The following ST6GALNAC3 variants were observed in gnomAD, a reference collection of about 807,000 sequenced individuals.
ST6GALNAC3 encodes ST6 N-acetylgalactosaminide alpha-2,6-sialyltransferase 3, also known as alpha-N-acetylgalactosaminide alpha-2,6-sialyltransferase 3.
ST6GALNAC3 carries 25 observed loss-of-function variants against 32.7 expected under a neutral mutation model. The observed-to-expected ratio is 0.76, with a 90% CI of 0.56 to 1.07. ST6GALNAC3 has a LOEUF of 1.07. Among genes scored for constraint, ST6GALNAC3 ranks in the 50% least tolerant of loss-of-function variants. The probability of loss-of-function intolerance (pLI) is 0.00; values close to 1 mark genes in which losing one functional copy is unlikely to be tolerated. For missense variants in ST6GALNAC3, 355 were observed against 382.4 expected (o/e 0.93, Z 0.60); for synonymous variants, 129 against 133.1 (o/e 0.97, Z 0.21).
At chr1:76,408,626 T>C (rs1654000727) in intron 2 of ST6GALNAC3, among the ~76,000 whole-genome samples, 4 of 152,110 alleles carry the variant, frequency 2.6e-5, no homozygotes, top group African/African-American at 9.7e-5. Flanking sequence ...AATTGTCAAG[T>C]GAGACCAGTG....
intron 1 of ST6GALNAC3, among the ~76,000 whole-genome samples, chr1:76,208,226 G>C (rs760833466): frequency 1.3e-5 from 2 of 152,240 alleles, no homozygotes; most frequent in Non-Finnish European, 2.9e-5. Flanking sequence ...CTAGACCCCA[G>C]GGATATACAG....
intron 3 of ST6GALNAC3, chr1:76,577,327 C>T: frequency 9.1e-6 from 9 of 986,948 alleles, no homozygotes; most frequent in Non-Finnish European, 1.1e-5. Flanking sequence ...GCCACTGCCT[C>T]TTTCTGCTTG....
intron 2 of ST6GALNAC3, among the ~76,000 whole-genome samples, chr1:76,401,600 A>T (rs1235226398): frequency 6.6e-6 from 1 of 152,128 alleles, no homozygotes; most frequent in East Asian, 1.9e-4. Context: ...TATTTGTAAC[A>T]GTGATTTGAG....
At chr1:76,508,732 C>G (rs1202265424) in intron 3 of ST6GALNAC3, among the ~76,000 whole-genome samples, 3 of 152,158 alleles carry the variant, frequency 2.0e-5, no homozygotes, top group African/African-American at 7.2e-5. Flanking sequence ...AGCATATACT[C>G]TGTGATCTTC....
chr1:76,349,266 T>C (rs111396736), intron 2 of ST6GALNAC3, among the ~76,000 whole-genome samples: 22 of 152,274 alleles, frequency 1.4e-4, no homozygotes, highest in Non-Finnish European at 2.5e-4. Context: ...TTCTTAAAAG[T>C]GTCCATGACT....
intron 3 of ST6GALNAC3, among the ~76,000 whole-genome samples, chr1:76,443,456 G>A (rs1294720949): frequency 2.6e-5 from 4 of 152,194 alleles, no homozygotes; most frequent in African/African-American, 7.2e-5. Flanking sequence ...GAGTGAGGAC[G>A]CTATCGGTTC....
At chr1:76,438,525 G>T (rs952827981) in intron 3 of ST6GALNAC3, among the ~76,000 whole-genome samples, 10 of 152,144 alleles carry the variant, frequency 6.6e-5, no homozygotes, top group Non-Finnish European at 1.2e-4. Flanking sequence ...CACATCTGTA[G>T]GTTCTGCCTT....
At chr1:76,163,622 T>A (rs983917620) in intron 1 of ST6GALNAC3, among the ~76,000 whole-genome samples, 1 of 152,234 alleles carries the variant, frequency 6.6e-6, no homozygotes, top group Non-Finnish European at 1.5e-5. Context: ...ATAAATGGCA[T>A]GTTATAGTTT....
intron 1 of ST6GALNAC3, among the ~76,000 whole-genome samples, chr1:76,103,933 T>C (rs1038602908): frequency 1.1e-4 from 16 of 152,236 alleles, no homozygotes; most frequent in Non-Finnish European, 1.8e-4. Context: ...TATTTGCTCC[T>C]TTGCTACATA....
intron 3 of ST6GALNAC3, among the ~76,000 whole-genome samples, chr1:76,525,769 GTT>G (rs1156923589): frequency 0.017 from 1,857 of 111,586 alleles, 104 homozygotes; most frequent in South Asian, 0.04. Context: ...GTGTATGTGT[GTT>G]TGTGTGTGTG....
chr1:76,178,405 C>T (rs1652975774), intron 1 of ST6GALNAC3, among the ~76,000 whole-genome samples: 1 of 152,106 alleles, frequency 6.6e-6, no homozygotes, highest in East Asian at 1.9e-4. Context: ...ACCCAGAGGC[C>T]CTAATGGTAC....
chr1:76,419,944 C>CT (rs66531652), intron 3 of ST6GALNAC3, among the ~76,000 whole-genome samples: 19,459 of 138,714 alleles, frequency 0.14, 1,434 homozygotes, highest in South Asian at 0.37. Context: ...TTCTTTCTTT[C>CT]TTTTTTTTTT....
intron 1 of ST6GALNAC3, among the ~76,000 whole-genome samples, chr1:76,140,193 AT>A (rs1553158647): frequency 6.6e-6 from 1 of 152,154 alleles, no homozygotes; most frequent in Non-Finnish European, 1.5e-5. Context: ...GATTAATCCA[AT>A]GCTCCGTGGA....
chr1:76,214,479 G>A (rs1037410175), intron 1 of ST6GALNAC3, among the ~76,000 whole-genome samples: 2 of 152,078 alleles, frequency 1.3e-5, no homozygotes, highest in African/African-American at 4.8e-5. Context: ...TCTGGAAAAG[G>A]TTCTAGAACA....
At chr1:76,325,160 T>C (rs1046763170) in intron 2 of ST6GALNAC3, among the ~76,000 whole-genome samples, 11 of 152,202 alleles carry the variant, frequency 7.2e-5, no homozygotes, top group African/African-American at 2.2e-4. Context: ...GAGAAGACCA[T>C]AGGAGAAGGT....
At chr1:76,260,328 G>A (rs559868682) in intron 1 of ST6GALNAC3, among the ~76,000 whole-genome samples, 1 of 152,334 alleles carries the variant, frequency 6.6e-6, no homozygotes, top group Admixed American at 6.5e-5. Context: ...CGTATTCTTT[G>A]TGGTGGTGGC....
intron 3 of ST6GALNAC3, among the ~76,000 whole-genome samples, chr1:76,572,944 GT>G (rs1646733975): frequency 2.0e-5 from 3 of 152,116 alleles, no homozygotes; most frequent in Admixed American, 1.3e-4. Flanking sequence ...GAAATTGCTT[GT>G]CTTATCAGTT....
At chr1:76,097,382 G>T (rs1647152959) in intron 1 of ST6GALNAC3, among the ~76,000 whole-genome samples, 1 of 152,136 alleles carries the variant, frequency 6.6e-6, no homozygotes, top group Non-Finnish European at 1.5e-5. Context: ...TCGTGATAGT[G>T]AGTGAGTTCT....
intron 3 of ST6GALNAC3, among the ~76,000 whole-genome samples, chr1:76,595,954 G>A (rs184306622): frequency 6.6e-6 from 1 of 150,572 alleles, no homozygotes; most frequent in Non-Finnish European, 1.5e-5. Context: ...AATTGCTTTT[G>A]AGTAGCAGTG....
Sources: gnomAD v4.1 joint callset for allele counts (sites outside exome capture counted in the v4.1 genomes callset) on GRCh38, gnomAD v4.1.1 for gene constraint, MANE v1.5 for transcripts, NCBI Gene and HGNC (gene_info 2026-07-23, HGNC 2026-07-21) for gene names.